Variants in METTL24 observed in about 807,000 individuals in gnomAD.
METTL24 encodes methyltransferase like 24.
METTL24 carries 29 observed loss-of-function variants against 32.7 expected under a neutral mutation model. That is an observed-to-expected ratio of 0.89 (90% confidence interval 0.66 to 1.21). The LOEUF is 1.21. Ranked by LOEUF, METTL24 falls within the 50% of genes most tolerant of loss-of-function variation. The probability of loss-of-function intolerance (pLI) is 0.00; values close to 1 mark genes in which losing one functional copy is unlikely to be tolerated. For missense variants in METTL24, 439 were observed against 468.1 expected, an observed-to-expected ratio of 0.94 and a Z score of 0.57; for synonymous variants, 163 against 179.5, an observed-to-expected ratio of 0.91 and a Z score of 0.73.
chr6:110,285,988 T>C (rs551920133), intron 4 of METTL24, among the ~76,000 whole-genome samples: 1 of 152,328 alleles, frequency 6.6e-6, no homozygotes, highest in African/African-American at 2.4e-5. Flanking sequence ...GAAGCCATAG[T>C]CAGTCATCAT....
At chr6:110,303,063 G>C (rs563750734) in intron 3 of METTL24, among the ~76,000 whole-genome samples, 1 of 152,050 alleles carries the variant, frequency 6.6e-6, no homozygotes. Flanking sequence ...ACAGGGGGTC[G>C]GGAAATCCCT....
intron 1 of METTL24, among the ~76,000 whole-genome samples, chr6:110,355,583 C>A (rs375364717): frequency 1.3e-5 from 2 of 152,174 alleles, no homozygotes; most frequent in African/African-American, 2.4e-5. Context: ...AGTTTTACTG[C>A]CATTTGTACT....
At chr6:110,352,286 T>G (rs1049821183) in intron 1 of METTL24, among the ~76,000 whole-genome samples, 3 of 152,336 alleles carry the variant, frequency 2.0e-5, no homozygotes, top group Non-Finnish European at 4.4e-5. Flanking sequence ...AACCTCTGTC[T>G]TATAGTTGTA....
chr6:110,333,164 G>A (rs1772139364), intron 1 of METTL24, among the ~76,000 whole-genome samples: 1 of 152,114 alleles, frequency 6.6e-6, no homozygotes, highest in Admixed American at 6.5e-5. Flanking sequence ...ACTTACTTCA[G>A]TCAGTTACCC....
intron 4 of METTL24, among the ~76,000 whole-genome samples, chr6:110,269,514 T>C (rs1284820644): frequency 6.6e-6 from 1 of 152,188 alleles, no homozygotes; most frequent in South Asian, 2.1e-4. Flanking sequence ...GATCCCATAG[T>C]AGTAAAAATG....
At chr6:110,271,189 A>G (rs951489226) in intron 4 of METTL24, among the ~76,000 whole-genome samples, 2 of 151,998 alleles carry the variant, frequency 1.3e-5, no homozygotes, top group Non-Finnish European at 2.9e-5. Flanking sequence ...GCAGTTGCCA[A>G]ATTTGGTTAC....
intron 4 of METTL24, among the ~76,000 whole-genome samples, chr6:110,262,125 A>G: frequency 6.6e-6 from 1 of 152,230 alleles, no homozygotes; most frequent in Non-Finnish European, 1.5e-5. Flanking sequence ...TCAGAGCAGA[A>G]CTGAAGGAGA....
chr6:110,346,615 C>T (rs1469422190), intron 1 of METTL24, among the ~76,000 whole-genome samples: 1 of 151,650 alleles, frequency 6.6e-6, no homozygotes, highest in Admixed American at 6.6e-5. Context: ...AGTGATTCTC[C>T]TGCCTCAGCC....
At chr6:110,322,961 G>A (rs1164299448) in intron 1 of METTL24, 89 bp from the exon 2 acceptor site, 2 of 1,013,712 alleles carry the variant, frequency 2.0e-6, no homozygotes, top group Non-Finnish European at 2.9e-6. Context: ...AAGCAAGGCT[G>A]CTTTGGCTGT....
chr6:110,318,321 G>A (rs911353999), intron 2 of METTL24, among the ~76,000 whole-genome samples: 5 of 152,084 alleles, frequency 3.3e-5, no homozygotes, highest in Non-Finnish European at 7.4e-5. Context: ...CACTCCCCCT[G>A]ATAAGGTCCC....
rs143344922 is a variant in METTL24 at position 110,246,535 on chromosome 6, C to T, written c.787-275G>A. ...CTGGTTCAAGCAATCCTCCTGCCTCCGCCTCCTGAGTAGCTGGGACTACAG... is the reference window on the plus strand; with the variant it reads ...CTGGTTCAAGCAATCCTCCTGCCTCTGCCTCCTGAGTAGCTGGGACTACAG... On this transcript the variant is annotated intron_variant, in intron 4 of 4. Transcript: ENST00000338882. 3.2e-3 allele frequency among the ~76,000 whole-genome samples: 491 copies of T among 152,284 alleles called. 3 individuals carry two copies. The highest frequency in any genetic ancestry group is 0.011 in the African/African-American group (465 of 41,556).
intron 1 of METTL24, chr6:110,332,649 T>C: frequency 5.2e-6 from 1 of 193,476 alleles, no homozygotes; most frequent in Non-Finnish European, 9.4e-6. Context: ...GGTTCAGGCC[T>C]GTAATCCTAG....
At chr6:110,249,597 C>G (rs1472352408) in intron 4 of METTL24, among the ~76,000 whole-genome samples, 1 of 152,034 alleles carries the variant, frequency 6.6e-6, no homozygotes, top group Non-Finnish European at 1.5e-5. Flanking sequence ...TCCATTATTA[C>G]TCCATAATGC....
intron 1 of METTL24, among the ~76,000 whole-genome samples, chr6:110,340,108 C>T (rs953313132): frequency 3.9e-5 from 6 of 152,200 alleles, no homozygotes; most frequent in Admixed American, 6.5e-5. Context: ...GGAGGAACAA[C>T]TGGCTACTAT....
At position 110,358,279 on chromosome 6, in the gene METTL24, A is replaced by T; in HGVS notation, c.-7T>A. ...GCGGCCTCTCCCGGGCCATGGCGCT[A>T]CACTCGGGGTCCCGCGGGCCGCGCC... On this transcript the variant is annotated 5_prime_UTR_variant, in exon 1 of 5. Coordinates refer to ENST00000338882, the MANE Select transcript of METTL24 (RefSeq NM_001123364.3). The T allele has an allele frequency of 6.9e-7, 1 of 1,453,386 alleles. No individual in the cohort carries two copies. The highest frequency in any genetic ancestry group is 9.0e-7 in the Non-Finnish European group (1 of 1,109,988). The allele number at this position is 1,453,386 out of a possible 1,614,324, so 90.0% of individuals were successfully genotyped here. A position where few individuals can be genotyped will look rare whatever the true frequency, so the allele number is the denominator to read the frequency against.
Position 110,246,764 on chromosome 6 carries a change from T to C in METTL24, c.787-504A>G, listed in dbSNP as rs148469881. Among the ~76,000 whole-genome samples the C allele has an allele frequency of 5.7e-3, 865 of 152,222 alleles. 16 individuals are homozygous for C. The highest frequency in any genetic ancestry group is 0.019 in the African/African-American group (795 of 41,558). On this transcript the variant is annotated intron_variant, in intron 4 of 4. Coordinates refer to ENST00000338882, the MANE Select transcript of METTL24 (RefSeq NM_001123364.3). ...GCCAAGTCCTGACAGAAGGTGTCTA[T>C]AGAAAGGAAGTGACAAAGGGCTACT...
intron 3 of METTL24, 118 bp downstream of exon 3, chr6:110,315,224 A>G: frequency 8.7e-7 from 1 of 1,151,168 alleles, no homozygotes; most frequent in Non-Finnish European, 1.3e-6. Flanking sequence ...TGATGACAGG[A>G]GGCAAAGCAT....
intron 4 of METTL24, among the ~76,000 whole-genome samples, chr6:110,262,145 A>G (rs906617767): frequency 2.0e-5 from 3 of 152,206 alleles, no homozygotes; most frequent in Non-Finnish European, 4.4e-5. Flanking sequence ...ATAGAGATAC[A>G]AAAAACCCTT....
intron 1 of METTL24, among the ~76,000 whole-genome samples, chr6:110,333,158 A>ACC (rs1772138969): frequency 6.6e-6 from 1 of 152,176 alleles, no homozygotes; most frequent in Non-Finnish European, 1.5e-5. Context: ...TCATCGACTT[A>ACC]CTTCAGTCAG....
Sources: allele counts gnomAD v4.1 joint callset (sites outside exome capture counted in the v4.1 genomes callset), GRCh38; gene constraint gnomAD v4.1.1; transcripts MANE v1.5; gene names NCBI Gene and HGNC (gene_info 2026-07-23, HGNC 2026-07-21).